The following XRRA1 variants were observed in gnomAD, a reference collection of about 807,000 sequenced individuals.
XRRA1 encodes the protein X-ray radiation resistance-associated protein 1.
Under a neutral mutation model 80.2 loss-of-function variants are expected in XRRA1, and 69 were observed. The observed-to-expected ratio is 0.86, with a 90% CI of 0.71 to 1.05. XRRA1 has a LOEUF of 1.05. XRRA1 is among the 50% of genes least tolerant of loss of function. The probability of loss-of-function intolerance (pLI) is 0.00; values close to 1 mark genes in which losing one functional copy is unlikely to be tolerated. For synonymous variants in XRRA1, 348 were observed against 389.9 expected (o/e 0.89, Z 1.27); for missense variants, 967 against 976.4 (o/e 0.99, Z 0.13).
intron 8 of XRRA1, among the ~76,000 whole-genome samples, chr11:74,916,103 C>A (rs1938580685): frequency 6.6e-6 from 1 of 152,172 alleles, no homozygotes; most frequent in Admixed American, 6.5e-5. Context: ...TCAAGATCCT[C>A]TGTCTTTTAA....
chr11:74,903,697 C>T (rs1376845744), intron 10 of XRRA1, among the ~76,000 whole-genome samples: 3 of 151,458 alleles, frequency 2.0e-5, no homozygotes, highest in East Asian at 1.9e-4. Context: ...CGTGAGACTC[C>T]GTCTCAAAAA....
chr11:74,846,280 A>G (rs1343473800), intron 15 of XRRA1: 1 of 152,238 alleles, frequency 6.6e-6, no homozygotes, highest in Non-Finnish European at 1.5e-5. Context: ...TATGACCTAT[A>G]ACAAGCAAAA....
chr11:74,880,827 T>G (rs898654042), intron 10 of XRRA1, among the ~76,000 whole-genome samples: 4 of 151,678 alleles, frequency 2.6e-5, no homozygotes, highest in Non-Finnish European at 5.9e-5. Flanking sequence ...GTCTGAGAGA[T>G]AGTTTGTTAT....
At chr11:74,897,769 T>G (rs1019133166) in intron 10 of XRRA1, among the ~76,000 whole-genome samples, 1 of 147,348 alleles carries the variant, frequency 6.8e-6, no homozygotes, top group East Asian at 2.0e-4. Context: ...AGTGAAAATA[T>G]TCTTTAAGCA....
chr11:74,860,284 G>A (rs1310798713), intron 11 of XRRA1, among the ~76,000 whole-genome samples: 1 of 152,228 alleles, frequency 6.6e-6, no homozygotes, highest in Non-Finnish European at 1.5e-5. Context: ...GCCTCTCCCA[G>A]TGATCCCAAG....
At chr11:74,926,707 CAT>C (rs1279652736) in intron 7 of XRRA1, among the ~76,000 whole-genome samples, 1 of 152,132 alleles carries the variant, frequency 6.6e-6, no homozygotes, top group Admixed American at 6.6e-5. Flanking sequence ...ACTATAAGGA[CAT>C]GTGCAGAAAA....
intron 8 of XRRA1, among the ~76,000 whole-genome samples, chr11:74,914,907 T>C (rs556361459): frequency 6.6e-6 from 1 of 152,278 alleles, no homozygotes; most frequent in Admixed American, 6.5e-5. Context: ...TGCAGGAATA[T>C]ATGGCTTAGA....
intron 14 of XRRA1, 90 bp downstream of exon 14, chr11:74,850,998 A>T: frequency 1.1e-6 from 1 of 883,566 alleles, no homozygotes; most frequent in East Asian, 2.7e-5. Context: ...GGCACTGTGG[A>T]GTGAGCAGCT....
intron 10 of XRRA1, among the ~76,000 whole-genome samples, chr11:74,904,103 T>A (rs1408740540): frequency 2.0e-5 from 3 of 152,224 alleles, no homozygotes; most frequent in Non-Finnish European, 4.4e-5. Context: ...TGAGGTTCAA[T>A]CTTTCAGTCT....
intron 10 of XRRA1, among the ~76,000 whole-genome samples, chr11:74,893,829 C>G (rs78136602): frequency 0.024 from 3,646 of 152,286 alleles, 131 homozygotes; most frequent in African/African-American, 0.084. Flanking sequence ...TTGTGGAAAG[C>G]AGTTTTGCAA....
intron 8 of XRRA1, 101 bp from the exon 9 acceptor site, chr11:74,907,374 C>G (rs2054853246): frequency 6.7e-7 from 1 of 1,498,648 alleles, no homozygotes; most frequent in African/African-American, 1.4e-5. Flanking sequence ...GAGGACTAAC[C>G]AGCTTAGGAA....
Position 74,937,147 on chromosome 11 carries a change from A to G in XRRA1, c.95-79T>C, listed in dbSNP as rs1017518183. 5 of 1,422,288 alleles carry G rather than the reference A, an allele frequency of 3.5e-6. No homozygotes were observed. In the Admixed American group the frequency reaches 7.7e-5, roughly 22 times the overall value. The allele number at this position is 1,422,288 out of a possible 1,614,324, so 88.1% of individuals were successfully genotyped here. On this transcript the variant is annotated intron_variant, in intron 3 of 18. Coordinates refer to ENST00000684022, the MANE Select transcript of XRRA1 (RefSeq NM_001378157.1). ...TGCAGTTATAGACTTTGTTTATAAT[A>G]CTAAAACCAAAAATAGCTCCTGATT...
chr11:74,859,624 A>G (rs2041905007), intron 11 of XRRA1, among the ~76,000 whole-genome samples: 1 of 152,082 alleles, frequency 6.6e-6, no homozygotes, highest in Admixed American at 6.5e-5. Flanking sequence ...CTTACCCTGA[A>G]TTGGCCCTTC....
intron 10 of XRRA1, among the ~76,000 whole-genome samples, chr11:74,895,883 A>G (rs954664812): frequency 6.6e-6 from 1 of 152,158 alleles, no homozygotes; most frequent in Non-Finnish European, 1.5e-5. Flanking sequence ...GCCCTTGATA[A>G]CCCTAGCTCC....
chr11:74,883,165 T>C (rs1362799937), intron 10 of XRRA1, among the ~76,000 whole-genome samples: 2 of 152,174 alleles, frequency 1.3e-5, no homozygotes, highest in South Asian at 2.1e-4. Flanking sequence ...TCTGTGAGAC[T>C]CCGTGGGCGT....
intron 10 of XRRA1, among the ~76,000 whole-genome samples, chr11:74,888,585 T>G (rs1050061348): frequency 1.3e-5 from 2 of 152,206 alleles, no homozygotes; most frequent in Non-Finnish European, 2.9e-5. Context: ...TTTGACGAGT[T>G]GAGAGAAGAA....
Position 74,937,202 on chromosome 11 carries a change from G to A in XRRA1, c.95-134C>T, listed in dbSNP as rs1186907224. On this transcript the variant is annotated intron_variant, in intron 3 of 18. Transcript: ENST00000684022. ...AACATGCACCAGATACAATACTGCA[G>A]CTGGGGGTAGGGGAGATATCTACCT... 4 of 913,930 alleles carry A rather than the reference G, an allele frequency of 4.4e-6. No individual in the cohort carries two copies. The Admixed American group carries it at 8.7e-5, about 20-fold the overall frequency. 56.6% of individuals were successfully genotyped at this position (913,930 alleles called of 1,614,324 possible). A position where few individuals can be genotyped will look rare whatever the true frequency, so the allele number is the denominator to read the frequency against.
intron 4 of XRRA1, among the ~76,000 whole-genome samples, 157 bp from the exon 5 acceptor site, chr11:74,934,029 C>A (rs138706553): frequency 6.6e-6 from 1 of 152,192 alleles, no homozygotes; most frequent in African/African-American, 2.4e-5. Context: ...TTCATCCATT[C>A]ATTCGCCAAA....
At chr11:74,947,493 C>A (rs1565473605) in intron 1 of XRRA1, among the ~76,000 whole-genome samples, 1 of 151,878 alleles carries the variant, frequency 6.6e-6, no homozygotes, top group Non-Finnish European at 1.5e-5. Flanking sequence ...AGCCAAGATC[C>A]CACCACTGCA....
Sources: gnomAD v4.1 joint callset for allele counts (sites outside exome capture counted in the v4.1 genomes callset) on GRCh38, gnomAD v4.1.1 for gene constraint, MANE v1.5 for transcripts, NCBI Gene and HGNC (gene_info 2026-07-23, HGNC 2026-07-21) for gene names.